The following ABCB1 variants were observed in gnomAD, a reference collection of about 807,000 sequenced individuals.
The protein encoded by ABCB1 is ATP-dependent translocase ABCB1.
ABCB1 carries 69 observed loss-of-function variants against 142.0 expected under a neutral mutation model. That is an observed-to-expected ratio of 0.49 (90% CI 0.40 to 0.59). The LOEUF is 0.59. Among genes scored for constraint, ABCB1 ranks in the 20% least tolerant of loss-of-function variants. The pLI is 0.00. For synonymous variants in ABCB1, 532 were observed against 539.2 expected, an observed-to-expected ratio of 0.99 and a Z score of 0.18; for missense variants, 1,326 against 1,554.7, an observed-to-expected ratio of 0.85 and a Z score of 2.47.
intron 1 of ABCB1, among the ~76,000 whole-genome samples, chr7:87,624,895 T>G (rs1357110091): frequency 5.3e-5 from 8 of 152,300 alleles, no homozygotes; most frequent in Middle Eastern, 3.4e-3. Context: ...ACACAGCTTG[T>G]TTATGGCAAA....
chr7:87,681,329 G>C (rs1284848942), intron 1 of ABCB1, among the ~76,000 whole-genome samples: 2 of 150,312 alleles, frequency 1.3e-5, no homozygotes, highest in African/African-American at 4.9e-5. Flanking sequence ...ATTTTATAAG[G>C]AAACTATTAG....
intron 1 of ABCB1, among the ~76,000 whole-genome samples, chr7:87,706,764 A>C (rs965094076): frequency 1.3e-5 from 2 of 152,170 alleles, no homozygotes; most frequent in Non-Finnish European, 2.9e-5. Flanking sequence ...ACTGCCACTG[A>C]ACAACAGACA....
intron 1 of ABCB1, among the ~76,000 whole-genome samples, chr7:87,658,607 A>G (rs923201185): frequency 1.3e-4 from 20 of 152,336 alleles, no homozygotes; most frequent in Non-Finnish European, 2.8e-4. Context: ...CAATAAATAA[A>G]GACAAAGAAA....
chr7:87,624,859 A>G (rs1820348829), intron 1 of ABCB1, among the ~76,000 whole-genome samples: 1 of 152,212 alleles, frequency 6.6e-6, no homozygotes, highest in South Asian at 2.1e-4. Flanking sequence ...CCATACATGC[A>G]AAACAAAACA....
chr7:87,560,451 C>G (rs1046443509), intron 8 of ABCB1, among the ~76,000 whole-genome samples: 13 of 152,134 alleles, frequency 8.5e-5, no homozygotes, highest in Non-Finnish European at 1.5e-4. Flanking sequence ...ACCACAGAAT[C>G]CCCTGCTGTG....
At chr7:87,632,210 T>C (rs1310273541) in intron 1 of ABCB1, among the ~76,000 whole-genome samples, 5 of 152,188 alleles carry the variant, frequency 3.3e-5, no homozygotes, top group Admixed American at 2.0e-4. Context: ...TTAGGTGTAT[T>C]CTCAGTTTAG....
At position 87,595,808 on chromosome 7, in the gene ABCB1, T is replaced by C; in HGVS notation, c.75A>G (p.Lys25=). 1 of 1,609,704 alleles carries C rather than the reference T, an allele frequency of 6.2e-7. No homozygotes were observed. ...NFFKLNNKSE[K]DKKEKKPTVS... The stretch of plus-strand genomic sequence containing the variant: ...CAGTTGGTTTCTTTTCCTTCTTATC[T>C]TTTTCACTGCAAAACAGCAATGGAA... The change falls in exon 3 of 28, where the codon AAA becomes AAG. Residue 25 remains lysine (K), a synonymous_variant. Coordinates refer to ENST00000622132, the MANE Select transcript of ABCB1 (RefSeq NM_001348946.2).
In ABCB1 at chr7:87,549,961, TG is replaced by T; in HGVS notation, c.1443del (p.Thr482ProfsTer3). 3.1e-6 allele frequency: 5 copies of T among 1,614,232 alleles called. No homozygotes were observed. The highest frequency in any genetic ancestry group is 4.2e-6 in the Non-Finnish European group (5 of 1,180,030). The part of the protein sequence containing the change: ...GVVSQEPVLF[A>X]TTIAENIRYG... Reference sequence around the variant, plus strand: ...TAGCGAATGTTTTCAGCTATCGTGGTGGCAAACAATACAGGTTCCTGACTCA... The same window carrying T: ...TAGCGAATGTTTTCAGCTATCGTGGTGCAAACAATACAGGTTCCTGACTCA... On this transcript the variant is annotated frameshift_variant, in exon 13 of 28. Coordinates refer to ENST00000622132, the MANE Select transcript of ABCB1 (RefSeq NM_001348946.2). LOFTEE classifies it high-confidence loss of function.
At chr7:87,642,326 G>GT (rs1822540812) in intron 1 of ABCB1, among the ~76,000 whole-genome samples, 1 of 151,912 alleles carries the variant, frequency 6.6e-6, no homozygotes, top group Non-Finnish European at 1.5e-5. Flanking sequence ...ATATGTTATG[G>GT]TTTTTTTCTG....
chr7:87,519,260 A>G, intron 23 of ABCB1, 66 bp downstream of exon 23: 4 of 1,487,712 alleles, frequency 2.7e-6, no homozygotes, highest in Non-Finnish European at 2.8e-6. Context: ...TTTCCTATCT[A>G]GACATGAAGC....
intron 1 of ABCB1, among the ~76,000 whole-genome samples, chr7:87,712,963 C>A (rs1241834305): frequency 6.6e-6 from 1 of 152,034 alleles, no homozygotes; most frequent in Non-Finnish European, 1.5e-5. Context: ...AAGTTTTTAT[C>A]TTAGAAGTTA....
At chr7:87,561,411 T>A (rs766368628) in intron 7 of ABCB1, 24 bp from the exon 8 acceptor site, 1 of 1,598,274 alleles carries the variant, frequency 6.3e-7, no homozygotes, top group East Asian at 2.2e-5. Flanking sequence ...CAATTTTGGA[T>A]CATGAAAAAA....
At chr7:87,669,417 C>CT (rs1425169770) in intron 1 of ABCB1, among the ~76,000 whole-genome samples, 1 of 151,990 alleles carries the variant, frequency 6.6e-6, no homozygotes, top group African/African-American at 2.4e-5. Context: ...TTGGGTCTTG[C>CT]TTTTTTATCC....
intron 4 of ABCB1, among the ~76,000 whole-genome samples, chr7:87,575,528 GT>G (rs904477487): frequency 1.1e-4 from 16 of 149,746 alleles, no homozygotes; most frequent in African/African-American, 2.5e-4. Flanking sequence ...AGGAACTTCC[GT>G]TTTTTTTTCA....
chr7:87,545,705 A>G (rs180920692), intron 15 of ABCB1, among the ~76,000 whole-genome samples, 158 bp downstream of exon 15: 122 of 152,294 alleles, frequency 8.0e-4, no homozygotes, highest in Non-Finnish European at 1.6e-3. Flanking sequence ...CTTTCAAGAG[A>G]GAAAAAAAAT....
intron 1 of ABCB1, among the ~76,000 whole-genome samples, chr7:87,659,724 T>C (rs773173248): frequency 6.6e-5 from 10 of 152,188 alleles, no homozygotes; most frequent in Non-Finnish European, 1.5e-4. Flanking sequence ...CTTACTGCTG[T>C]GTCATTCTCT....
intron 8 of ABCB1, among the ~76,000 whole-genome samples, chr7:87,557,586 A>C (rs1380573199): frequency 6.6e-6 from 1 of 152,236 alleles, no homozygotes; most frequent in East Asian, 1.9e-4. Flanking sequence ...AAATATAGGA[A>C]TCTCTGGATA....
intron 4 of ABCB1, 23 bp from the exon 5 acceptor site, chr7:87,570,246 T>G (rs200076095): frequency 6.6e-5 from 106 of 1,601,006 alleles, no homozygotes; most frequent in Non-Finnish European, 8.8e-5. Context: ...AAAACAAACA[T>G]ACCATTTATG....
intron 3 of ABCB1, among the ~76,000 whole-genome samples, chr7:87,592,043 G>C (rs1318331946): frequency 6.6e-6 from 1 of 152,180 alleles, no homozygotes; most frequent in Non-Finnish European, 1.5e-5. Flanking sequence ...TGAATGTAGA[G>C]AGAGACAGGA....
Sources: gnomAD v4.1 joint callset for allele counts (sites outside exome capture counted in the v4.1 genomes callset) on GRCh38, gnomAD v4.1.1 for gene constraint, MANE v1.5 for transcripts, NCBI Gene and HGNC (gene_info 2026-07-23, HGNC 2026-07-21) for gene names.